The following UBXN8 variants were observed in gnomAD, a reference collection of about 807,000 sequenced individuals.
The protein encoded by UBXN8 is UBX domain protein 8.
A neutral mutation model predicts 32.1 loss-of-function variants in UBXN8; 27 were observed. That is an observed-to-expected ratio of 0.84 (90% CI 0.62 to 1.16). UBXN8 has a LOEUF of 1.16. Ranked by LOEUF, UBXN8 falls within the 50% of genes most tolerant of loss-of-function variation. The pLI, the probability that UBXN8 is intolerant of heterozygous loss-of-function variation, is 0.00. For missense variants in UBXN8, 306 were observed against 311.4 expected (o/e 0.98, Z 0.13); for synonymous variants, 109 against 111.8 (o/e 0.98, Z 0.16).
intron 1 of UBXN8, among the ~76,000 whole-genome samples, chr8:30,747,982 T>C (rs1172564893): frequency 2.2e-5 from 3 of 134,282 alleles, no homozygotes; most frequent in African/African-American, 8.7e-5. Context: ...TTAAGTCTGA[T>C]TTACACATCA....
chr8:30,737,969 A>T (rs979855145), intron 1 of UBXN8, among the ~76,000 whole-genome samples: 2 of 152,178 alleles, frequency 1.3e-5, no homozygotes, highest in African/African-American at 4.8e-5. Flanking sequence ...TTTAGAAGAA[A>T]ATATAGAGGC....
At chr8:30,732,165 C>T (rs1291410579), upstream of UBXN8, 1 of 343,378 alleles carries the variant, frequency 2.9e-6, no homozygotes, top group Non-Finnish European at 5.2e-6. Context: ...ACTCCCCCAC[C>T]ATCTTCGGGG....
At chr8:30,765,833 C>A (rs1805987140) in intron 7 of UBXN8, among the ~76,000 whole-genome samples, 1 of 151,924 alleles carries the variant, frequency 6.6e-6, no homozygotes, top group South Asian at 2.1e-4. Flanking sequence ...CATGGTGGAA[C>A]CCCGTCTCTA....
chr8:30,745,652 C>G (rs561312960), intron 1 of UBXN8, among the ~76,000 whole-genome samples: 1 of 152,360 alleles, frequency 6.6e-6, no homozygotes, highest in Non-Finnish European at 1.5e-5. Context: ...TGGAATATAA[C>G]AAGACCTTTA....
chr8:30,760,437 A>ATTT (rs1361022250), intron 5 of UBXN8, among the ~76,000 whole-genome samples: 758 of 44,744 alleles, frequency 0.017, 3 homozygotes, highest in African/African-American at 0.052. Context: ...ATATATATAT[A>ATTT]TATATATTTT....
chr8:30,766,413 C>G lies in UBXN8; in HGVS notation c.*19C>G. On this transcript the variant is annotated 3_prime_UTR_variant, in exon 8 of 8. Transcript: ENST00000265616. ...CAACTAGGAAAGAAGGGAGAGCTCC[C>G]TGTTTGCATGAAGTCAGTTATGCTA... is the stretch of plus-strand genomic sequence containing the variant. The G allele has an allele frequency of 6.4e-7, 1 of 1,565,076 alleles. No individual in the cohort carries two copies. Among genetic ancestry groups the G allele is most frequent in the South Asian group, 1.2e-5 (1 of 85,412 alleles).
At chr8:30,758,436 C>T (rs1429937020) in intron 5 of UBXN8, among the ~76,000 whole-genome samples, 1 of 152,186 alleles carries the variant, frequency 6.6e-6, no homozygotes, top group Non-Finnish European at 1.5e-5. Flanking sequence ...TTCAAATCTT[C>T]AATCCTTAAC....
chr8:30,730,565 G>A (rs1021488932), upstream of UBXN8, among the ~76,000 whole-genome samples: 2 of 152,158 alleles, frequency 1.3e-5, no homozygotes. Flanking sequence ...CCGACCCCCA[G>A]TGGGACCCAA....
intron 5 of UBXN8, among the ~76,000 whole-genome samples, chr8:30,760,443 A>ATATATATATTT (rs1196366158): frequency 1.1e-5 from 1 of 91,096 alleles, no homozygotes; most frequent in Non-Finnish European, 2.0e-5. Flanking sequence ...ATATATATAT[A>ATATATATATTT]TTTTTTTTTT....
At chr8:30,763,394 G>A (rs1805914373) in intron 7 of UBXN8, 47 bp downstream of exon 7, 1 of 1,561,822 alleles carries the variant, frequency 6.4e-7, no homozygotes, top group South Asian at 1.1e-5. Context: ...GTTGAATATG[G>A]CAGTAGTTTA....
At chr8:30,738,483 C>T (rs992478260) in intron 1 of UBXN8, among the ~76,000 whole-genome samples, 2 of 150,846 alleles carry the variant, frequency 1.3e-5, no homozygotes, top group Non-Finnish European at 2.9e-5. Flanking sequence ...CATGGTGAAA[C>T]CCCTGTCTCT....
intron 3 of UBXN8, 82 bp from the exon 4 acceptor site, chr8:30,754,583 C>G: frequency 1.4e-6 from 2 of 1,479,412 alleles, no homozygotes; most frequent in Non-Finnish European, 1.8e-6. Flanking sequence ...TTACTTGGTT[C>G]TTATTTACAA....
At chr8:30,732,201 G>C (rs1161850310), upstream of UBXN8, 1 of 368,408 alleles carries the variant, frequency 2.7e-6, no homozygotes, top group East Asian at 4.0e-5. Flanking sequence ...ACCTCCAGAA[G>C]TTTCCCACCA....
chr8:30,750,242 C>T lies in UBXN8; in HGVS notation c.89-1154C>T, dbSNP rs542102499. ...ATCCCAGGACCTTGGGAGGCCGAGG[C>T]GAGCAGATTGCCCGTGTTCAGGAGC... On this transcript the variant is annotated intron_variant, in intron 1 of 7. Transcript: ENST00000265616. 2.6e-5 allele frequency among the ~76,000 whole-genome samples: 4 copies of T among 152,070 alleles called. No homozygotes were observed. The East Asian group carries it at 5.8e-4, about 22-fold the overall frequency.
At chr8:30,765,709 A>T (rs1805983664) in intron 7 of UBXN8, among the ~76,000 whole-genome samples, 1 of 151,712 alleles carries the variant, frequency 6.6e-6, no homozygotes, top group Non-Finnish European at 1.5e-5. Flanking sequence ...GCCCGCCACC[A>T]CGCCTGGCTA....
chr8:30,744,331 T>G, intron 1 of UBXN8, 54 bp downstream of exon 1: 2 of 1,556,772 alleles, frequency 1.3e-6, no homozygotes, highest in African/African-American at 1.3e-5. Context: ...TTCACAGGAA[T>G]GTTGCATAGA....
upstream of UBXN8, among the ~76,000 whole-genome samples, chr8:30,730,920 A>C (rs972766493): frequency 1.3e-4 from 20 of 152,256 alleles, no homozygotes; most frequent in African/African-American, 4.8e-4. Flanking sequence ...GGGATGCAGT[A>C]AGCCGTAAGG....
At chr8:30,742,765 T>C (rs1474494413), upstream of UBXN8, among the ~76,000 whole-genome samples, 2 of 152,176 alleles carry the variant, frequency 1.3e-5, no homozygotes, top group Non-Finnish European at 2.9e-5. Context: ...AACGTAGGCG[T>C]GACTTCCTTT....
At chr8:30,739,379 C>T (rs1805145760), upstream of UBXN8, among the ~76,000 whole-genome samples, 1 of 151,214 alleles carries the variant, frequency 6.6e-6, no homozygotes, top group Non-Finnish European at 1.5e-5. Flanking sequence ...CCCGTCTCTA[C>T]TAAAAATACA....
Sources: gnomAD v4.1 joint callset for allele counts (sites outside exome capture counted in the v4.1 genomes callset) on GRCh38, gnomAD v4.1.1 for gene constraint, MANE v1.5 for transcripts, NCBI Gene and HGNC (gene_info 2026-07-23, HGNC 2026-07-21) for gene names.